Variants in CPXM2 observed in about 807,000 individuals in gnomAD.
CPXM2 encodes carboxypeptidase X, M14 family member 2, also known as inactive carboxypeptidase-like protein X2.
In CPXM2, 66 loss-of-function variants were observed where a neutral mutation model predicts 86.1. The ratio of observed to expected loss-of-function variants is 0.77; its 90% CI spans 0.63 to 0.94. The LOEUF is 0.94. CPXM2 is among the 40% of genes least tolerant of loss of function. The pLI, the probability that CPXM2 is intolerant of heterozygous loss-of-function variation, is 0.00. For synonymous variants in CPXM2, 388 were observed against 400.2 expected (o/e 0.97, Z 0.36); for missense variants, 948 against 1,026.3 (o/e 0.92, Z 1.04).
chr10:123,847,154 C>T (rs1848510983), intron 3 of CPXM2, among the ~76,000 whole-genome samples: 1 of 152,176 alleles, frequency 6.6e-6, no homozygotes, highest in South Asian at 2.1e-4. Flanking sequence ...ATAGCCTCAT[C>T]TTCCAGAATA....
At chr10:123,917,742 A>G (rs1945545376) in intron 2 of CPXM2, among the ~76,000 whole-genome samples, 1 of 152,224 alleles carries the variant, frequency 6.6e-6, no homozygotes, top group Non-Finnish European at 1.5e-5. Flanking sequence ...GTACAGTCTC[A>G]TTTATACCTC....
intron 4 of CPXM2, among the ~76,000 whole-genome samples, chr10:123,836,094 C>T (rs181553981): frequency 3.2e-4 from 49 of 152,210 alleles, no homozygotes; most frequent in Non-Finnish European, 5.7e-4. Flanking sequence ...TCTCCTCTCC[C>T]GACCCTTGCA....
intron 3 of CPXM2, among the ~76,000 whole-genome samples, chr10:123,856,183 T>C (rs1234515770): frequency 1.3e-5 from 2 of 152,212 alleles, no homozygotes; most frequent in African/African-American, 2.4e-5. Context: ...TAGGCAGGAA[T>C]TGTGGTGACA....
intron 4 of CPXM2, among the ~76,000 whole-genome samples, chr10:123,802,364 C>T (rs1383472229): frequency 1.3e-5 from 2 of 152,154 alleles, no homozygotes; most frequent in Non-Finnish European, 1.5e-5. Context: ...GAACCACTGC[C>T]GAAATAAGCG....
At chr10:123,880,828 CAAAAAA>C (rs71484548) in intron 1 of CPXM2, among the ~76,000 whole-genome samples, 3 of 54,006 alleles carry the variant, frequency 5.6e-5, no homozygotes, top group South Asian at 1.1e-3. Context: ...GATTCCGTCT[CAAAAAA>C]AAAAAAAAAA....
At chr10:123,790,197 G>A (rs987349786) in intron 6 of CPXM2, among the ~76,000 whole-genome samples, 29 of 152,298 alleles carry the variant, frequency 1.9e-4, no homozygotes, top group African/African-American at 6.7e-4. Flanking sequence ...TACAGAACAG[G>A]TGACTCAGGA....
intron 7 of CPXM2, among the ~76,000 whole-genome samples, 173 bp downstream of exon 7, chr10:123,779,994 C>T (rs1365127550): frequency 2.0e-5 from 3 of 152,158 alleles, no homozygotes; most frequent in Admixed American, 6.5e-5. Flanking sequence ...CTCTGGTCAC[C>T]TGAACCCAGA....
At chr10:123,892,123 A>C (rs1564815817), upstream of CPXM2, 1 of 152,328 alleles carries the variant, frequency 6.6e-6, no homozygotes, top group Non-Finnish European at 1.5e-5. Context: ...GAGAGAAGAA[A>C]AGATTGGCCC....
upstream of CPXM2, among the ~76,000 whole-genome samples, chr10:123,942,625 C>T (rs754962002): frequency 2.0e-5 from 3 of 152,302 alleles, no homozygotes; most frequent in South Asian, 2.1e-4. Flanking sequence ...AAATCCCCAC[C>T]GCTTTCCAAG....
chr10:123,788,968 C>A (rs1847138689), intron 6 of CPXM2, among the ~76,000 whole-genome samples: 1 of 151,660 alleles, frequency 6.6e-6, no homozygotes, highest in Non-Finnish European at 1.5e-5. Context: ...AGAGATTTTT[C>A]TTTACCTGGC....
At chr10:123,841,385 T>C (rs1392889274) in intron 4 of CPXM2, among the ~76,000 whole-genome samples, 2 of 152,238 alleles carry the variant, frequency 1.3e-5, no homozygotes, top group African/African-American at 4.8e-5. Context: ...AAATTTATCA[T>C]TGTAACCATC....
rs745377217 is a variant in CPXM2, at chr10:123,881,232, T to TCCCCTCCCCTTCCCTCCCCTCCCCTCCC, written c.305-924_305-923insGGGAGGGGAGGGGAGGGAAGGGGAGGGG. ...TGTTCCTTCTCCTGGAGCACCCTTC[T>TCCCCTCCCCTTCCCTCCCCTCCCCTCCC]CTTCCCTTCCCTTCCCTTCCCTTCC... On this transcript the variant is annotated intron_variant, in intron 1 of 13. Coordinates refer to ENST00000241305, the MANE Select transcript of CPXM2 (RefSeq NM_198148.3). Among the ~76,000 whole-genome samples, 27 of 64,876 alleles carry TCCCCTCCCCTTCCCTCCCCTCCCCTCCC rather than the reference T, an allele frequency of 4.2e-4. 4 individuals carry two copies. The highest frequency in any genetic ancestry group is 2.4e-3 in the African/African-American group (23 of 9,758). 42.6% of individuals were successfully genotyped at this position (64,876 alleles called of 152,430 possible).
intron 2 of CPXM2, 66 bp downstream of exon 2, chr10:123,880,145 T>TGGGGGGGGGCCCCCCCCC: frequency 2.5e-6 from 1 of 407,580 alleles, no homozygotes; most frequent in Admixed American, 3.3e-5. Flanking sequence ...CAGGGGCCTG[T>TGGGGGGGGGCCCCCCCCC]ACCCACCCAC....
Position 123,891,506 on chromosome 10 carries a change from G to C in CPXM2, c.154C>G (p.Pro52Ala). 1 of 1,547,782 alleles carries C rather than the reference G, an allele frequency of 6.5e-7. No individual in the cohort carries two copies. Among genetic ancestry groups the C allele is most frequent in the Admixed American group, 2.0e-5 (1 of 50,962 alleles). Residue 52 changes from proline to alanine, a missense_variant, in exon 1 of 14, where the codon CCC (proline) becomes GCC (alanine). Coordinates refer to ENST00000241305, the MANE Select transcript of CPXM2 (RefSeq NM_198148.3). This position sits in a 1 kb window ranked among gnomAD's most constrained non-coding sequence, Gnocchi z 5.6. The part of the protein sequence containing the change: ...SREPYYARPE[P>A]ELETFSPPLP... Reference sequence around the variant, plus strand: ...GGCGGAGAGAAGGTCTCGAGCTCGGGCTCCGGGCGCGCGTAGTAGGGCTCC... The same window carrying C: ...GGCGGAGAGAAGGTCTCGAGCTCGGCCTCCGGGCGCGCGTAGTAGGGCTCC...
At chr10:123,758,413 G>A (rs1317778454) in intron 11 of CPXM2, among the ~76,000 whole-genome samples, 1 of 152,056 alleles carries the variant, frequency 6.6e-6, no homozygotes, top group Non-Finnish European at 1.5e-5. Flanking sequence ...TCAGCTCTCT[G>A]CCTCTGTCTT....
intron 3 of CPXM2, among the ~76,000 whole-genome samples, chr10:123,849,097 TTGTC>T (rs1564796568): frequency 6.6e-6 from 1 of 152,246 alleles, no homozygotes; most frequent in African/African-American, 2.4e-5. Flanking sequence ...CAGATGTTCT[TTGTC>T]TGAATGAATC....
At chr10:123,822,372 A>C (rs952229258) in intron 4 of CPXM2, among the ~76,000 whole-genome samples, 1 of 152,190 alleles carries the variant, frequency 6.6e-6, no homozygotes, top group Non-Finnish European at 1.5e-5. Context: ...TGTGCCAGGC[A>C]CTGGGGTACA....
intron 4 of CPXM2, among the ~76,000 whole-genome samples, chr10:123,832,826 T>TAAAAAAAAAAAAAAA (rs537178892): frequency 1.3e-4 from 18 of 133,538 alleles, no homozygotes; most frequent in Admixed American, 2.2e-4. Flanking sequence ...AAACTCTGTC[T>TAAAAAAAAAAAAAAA]AAAAAAAAAA....
chr10:123,765,624 G>C (rs1015871825), intron 10 of CPXM2, among the ~76,000 whole-genome samples: 1 of 152,224 alleles, frequency 6.6e-6, no homozygotes, highest in Non-Finnish European at 1.5e-5. Context: ...AAACATGAGA[G>C]CAGATTTAGA....
Sources: allele counts gnomAD v4.1 joint callset (sites outside exome capture counted in the v4.1 genomes callset), GRCh38; gene constraint gnomAD v4.1.1; non-coding constraint Gnocchi (gnomAD v3.1); transcripts MANE v1.5; gene names NCBI Gene and HGNC (gene_info 2026-07-23, HGNC 2026-07-21).